Variants in AGFG1 observed in about 807,000 individuals in gnomAD.
AGFG1 encodes ArfGAP with FG repeats 1, also known as arf-GAP domain and FG repeat-containing protein 1.
A neutral mutation model predicts 60.6 loss-of-function variants in AGFG1; 10 were observed. The observed-to-expected ratio is 0.16, with a 90% CI of 0.10 to 0.28. The LOEUF (loss-of-function observed/expected upper bound fraction) is 0.28. Among genes scored for constraint, AGFG1 ranks in the 10% least tolerant of loss-of-function variants. AGFG1 has a pLI of 1.00. For synonymous variants in AGFG1, 247 were observed against 242.9 expected (o/e 1.02, Z -0.16); for missense variants, 537 against 676.5 (o/e 0.79, Z 2.29).
intron 10 of AGFG1, among the ~76,000 whole-genome samples, chr2:227,551,563 A>G (rs1692822162): frequency 6.6e-6 from 1 of 152,206 alleles, no homozygotes; most frequent in African/African-American, 2.4e-5. Flanking sequence ...TTCAGGAGAT[A>G]AAATTTTGGC....
chr2:227,553,936 CAG>C, intron 12 of AGFG1, 141 bp downstream of exon 12: 2 of 614,488 alleles, frequency 3.3e-6, no homozygotes, highest in Non-Finnish European at 5.5e-6. Flanking sequence ...CAAATTGACA[CAG>C]AGCCATTATG....
chr2:227,481,564 G>C (rs1690465244), intron 1 of AGFG1, among the ~76,000 whole-genome samples: 1 of 152,138 alleles, frequency 6.6e-6, no homozygotes, highest in Non-Finnish European at 1.5e-5. Context: ...TCTCCATAAA[G>C]TCACTTACTG....
chr2:227,524,793 A>C lies in AGFG1; in HGVS notation c.572A>C (p.Gln191Pro). The C allele has an allele frequency of 6.2e-7, 1 of 1,614,184 alleles. No homozygotes were observed. Among genetic ancestry groups the C allele is most frequent in the Non-Finnish European group, 8.5e-7 (1 of 1,179,984 alleles). The change falls in exon 5 of 13, where the codon CAG (glutamine) becomes CCG (proline). Residue 191 changes from glutamine (Q) to proline (P), a missense_variant. This residue lies in a region of AGFG1 where 102 missense variants were observed against 82.9 expected (regional missense o/e 1.23). Coordinates refer to ENST00000310078, the MANE Select transcript of AGFG1 (RefSeq NM_004504.5). ...SPVVGRSQGQQQEKKQFDLLS... is the reference protein window; with the variant it reads ...SPVVGRSQGQPQEKKQFDLLS... ...GTTGTAGGTCGTTCTCAAGGGCAGC[A>C]GCAGGAGAAGAAGCAATTTGACCTT...
chr2:227,505,095 T>C (rs928531929), intron 2 of AGFG1, among the ~76,000 whole-genome samples: 1 of 152,260 alleles, frequency 6.6e-6, no homozygotes, highest in Non-Finnish European at 1.5e-5. Context: ...TTTGAAACTT[T>C]ATTATTGGTG....
chr2:227,491,209 C>G (rs1421397670), intron 1 of AGFG1, among the ~76,000 whole-genome samples: 1 of 152,012 alleles, frequency 6.6e-6, no homozygotes, highest in African/African-American at 2.4e-5. Context: ...TTTAATAATT[C>G]TTTCATAGAG....
At chr2:227,487,813 G>A (rs1390076847) in intron 1 of AGFG1, among the ~76,000 whole-genome samples, 1 of 152,162 alleles carries the variant, frequency 6.6e-6, no homozygotes, top group Non-Finnish European at 1.5e-5. Flanking sequence ...TGCTACTTAA[G>A]ACATTGATGG....
At chr2:227,526,352 C>T (rs960238934) in intron 5 of AGFG1, among the ~76,000 whole-genome samples, 1 of 151,962 alleles carries the variant, frequency 6.6e-6, no homozygotes, top group South Asian at 2.1e-4. Context: ...TGCCACAGCA[C>T]CCGAAATTAT....
chr2:227,533,864 A>G (rs1048258392), intron 7 of AGFG1, 106 bp downstream of exon 7: 17 of 1,111,888 alleles, frequency 1.5e-5, no homozygotes, highest in East Asian at 7.6e-5. Flanking sequence ...CAGTTGTTGT[A>G]TAGAAATTTT....
chr2:227,492,774 G>A (rs1690857217), intron 2 of AGFG1, among the ~76,000 whole-genome samples: 1 of 152,082 alleles, frequency 6.6e-6, no homozygotes, highest in South Asian at 2.1e-4. Context: ...CCAGACTAAT[G>A]TGAGTACATT....
At position 227,496,605 on chromosome 2, in the gene AGFG1, T is replaced by C. The variant is rs534545050; in HGVS notation, c.261+4965T>C. ...TTGTGCTGAAAGCTCAGATTTGGACTATGCAGGTTGTGAACCTTGGGCAAG... is the reference window on the plus strand; with the variant it reads ...TTGTGCTGAAAGCTCAGATTTGGACCATGCAGGTTGTGAACCTTGGGCAAG... On this transcript the variant is annotated intron_variant, in intron 2 of 12. Transcript: ENST00000310078. 3.9e-5 allele frequency among the ~76,000 whole-genome samples: 6 copies of C among 152,348 alleles called. No individual in the cohort carries two copies. The East Asian group carries it at 9.6e-4, about 24-fold the overall frequency.
chr2:227,536,850 T>C, intron 9 of AGFG1, 51 bp from the exon 10 acceptor site: 1 of 1,551,112 alleles, frequency 6.4e-7, no homozygotes, highest in Non-Finnish European at 8.8e-7. Flanking sequence ...ATTTAAATCT[T>C]AAATACAAAA....
rs73994659 is a variant in AGFG1, at chr2:227,534,152, T to A, written c.1024+394T>A. Among the ~76,000 whole-genome samples the A allele has an allele frequency of 4.4e-3, 657 of 149,472 alleles. 2 individuals carry two copies. The highest frequency in any genetic ancestry group is 0.015 in the African/African-American group (619 of 40,920). ...AACATCTTGGTGGGTTTTTTATATT[T>A]AAAAAAAAAAATTCATGAATTTTAC... On this transcript the variant is annotated intron_variant, in intron 7 of 12. Transcript: ENST00000310078.
At position 227,536,995 on chromosome 2, in the gene AGFG1, T is replaced by G; in HGVS notation, c.1378+2T>G. ...AGACCAATGCCAGAGGAGCAACAGG[T>G]AAGAAAAAGAGACAGTGGAACAGTA... On this transcript the variant is annotated splice_donor_variant, in intron 10 of 12. Transcript: ENST00000310078. LOFTEE classifies it high-confidence loss of function. 2 of 1,610,908 alleles carry G rather than the reference T, an allele frequency of 1.2e-6. No individual in the cohort carries two copies. The highest frequency in any genetic ancestry group is 1.7e-6 in the Non-Finnish European group (2 of 1,178,104).
At chr2:227,511,622 G>A (rs548690162) in intron 2 of AGFG1, among the ~76,000 whole-genome samples, 1 of 152,252 alleles carries the variant, frequency 6.6e-6, no homozygotes, top group South Asian at 2.1e-4. Context: ...AGGTCAGTGT[G>A]TATATTTTAG....
chr2:227,547,725 C>T (rs546179509), intron 10 of AGFG1, among the ~76,000 whole-genome samples: 28 of 152,146 alleles, frequency 1.8e-4, no homozygotes, highest in South Asian at 1.0e-3. Flanking sequence ...AAATAGAAAC[C>T]TCGTATATTG....
intron 2 of AGFG1, chr2:227,508,452 A>G: frequency 3.3e-6 from 1 of 299,300 alleles, no homozygotes; most frequent in Non-Finnish European, 6.8e-6. Context: ...CTCTTCTGCT[A>G]CTCCCTTGCT....
At chr2:227,531,978 G>A (rs1290702443) in intron 6 of AGFG1, among the ~76,000 whole-genome samples, 1 of 152,158 alleles carries the variant, frequency 6.6e-6, no homozygotes, top group Non-Finnish European at 1.5e-5. Context: ...TCCATAAATT[G>A]TGCTGTTTTC....
rs2106149930 is a variant in AGFG1 at position 227,476,426 on chromosome 2, AAAAG to A, written c.167+3840_167+3843del. On this transcript the variant is annotated intron_variant, in intron 1 of 12. Coordinates refer to ENST00000310078, the MANE Select transcript of AGFG1 (RefSeq NM_004504.5). ...CATTAGTATAATTGATATGTAATAT[AAAAG>A]ATTGTCCTAGCCTTAAAAAGTGATC... 2.0e-5 allele frequency among the ~76,000 whole-genome samples: 3 copies of A among 152,338 alleles called. No individual in the cohort carries two copies. In the East Asian group the frequency reaches 5.8e-4, roughly 29 times the overall value.
intron 10 of AGFG1, among the ~76,000 whole-genome samples, chr2:227,543,026 A>G (rs1692538199): frequency 6.6e-6 from 1 of 151,632 alleles, no homozygotes; most frequent in Admixed American, 6.6e-5. Context: ...TTTTTATTGC[A>G]TCTATTTGAT....
Sources: gnomAD v4.1 joint callset for allele counts (sites outside exome capture counted in the v4.1 genomes callset) on GRCh38, gnomAD v4.1.1 for gene constraint, gnomAD v4.1.1 regional missense constraint, MANE v1.5 for transcripts, NCBI Gene and HGNC (gene_info 2026-07-23, HGNC 2026-07-21) for gene names.